The following RCAN2 variants were observed in gnomAD, a reference collection of about 807,000 sequenced individuals.
RCAN2 encodes the protein regulator of calcineurin 2, also known as calcipressin-2.
Under a neutral mutation model 23.6 loss-of-function variants are expected in RCAN2, and 9 were observed. The observed-to-expected ratio is 0.38, with a 90% CI of 0.23 to 0.67. The LOEUF is 0.67. Ranked by LOEUF, RCAN2 falls within the 30% of genes least tolerant of loss-of-function variation. The pLI is 0.51. For synonymous variants in RCAN2, 109 were observed against 115.7 expected, an observed-to-expected ratio of 0.94 and a Z score of 0.37; for missense variants, 273 against 302.3, an observed-to-expected ratio of 0.90 and a Z score of 0.72.
At chr6:46,335,910 T>C (rs1376666162) in intron 2 of RCAN2, among the ~76,000 whole-genome samples, 1 of 152,240 alleles carries the variant, frequency 6.6e-6, no homozygotes, top group East Asian at 1.9e-4. Flanking sequence ...TAAACATTCA[T>C]AGGAGTTAAT....
At chr6:46,472,542 A>C (rs879642031) in intron 1 of RCAN2, among the ~76,000 whole-genome samples, 6 of 152,180 alleles carry the variant, frequency 3.9e-5, no homozygotes, top group African/African-American at 7.2e-5. Context: ...GACAGTGAAG[A>C]TGTTTAACTC....
intron 2 of RCAN2, among the ~76,000 whole-genome samples, chr6:46,306,374 C>T (rs142074028): frequency 1.3e-5 from 2 of 152,150 alleles, no homozygotes; most frequent in African/African-American, 2.4e-5. Flanking sequence ...TCCTGTAACA[C>T]CTCAAAGTTC....
At chr6:46,393,626 G>A (rs1225810862) in intron 2 of RCAN2, among the ~76,000 whole-genome samples, 3 of 152,158 alleles carry the variant, frequency 2.0e-5, no homozygotes, top group Admixed American at 6.5e-5. Context: ...AAATAAACAA[G>A]AGTCACAACT....
intron 2 of RCAN2, among the ~76,000 whole-genome samples, chr6:46,411,300 T>G (rs1415749329): frequency 1.3e-5 from 2 of 152,138 alleles, no homozygotes; most frequent in African/African-American, 4.8e-5. Context: ...AATTCAGAGA[T>G]AGAAAACAGA....
At chr6:46,267,095 T>A (rs529631482) in intron 2 of RCAN2, among the ~76,000 whole-genome samples, 1 of 152,354 alleles carries the variant, frequency 6.6e-6, no homozygotes, top group South Asian at 2.1e-4. Flanking sequence ...TTTTTTAATT[T>A]CATAAAACCA....
At chr6:46,332,316 T>A (rs1389817431) in intron 2 of RCAN2, among the ~76,000 whole-genome samples, 1 of 152,212 alleles carries the variant, frequency 6.6e-6, no homozygotes, top group East Asian at 1.9e-4. Context: ...TAATCTGATT[T>A]TTTTTATTAT....
chr6:46,412,313 T>C (rs1582181102), intron 2 of RCAN2, among the ~76,000 whole-genome samples: 1 of 152,170 alleles, frequency 6.6e-6, no homozygotes, highest in Non-Finnish European at 1.5e-5. Flanking sequence ...TGTTTTGTCC[T>C]TATTAAGTTT....
At chr6:46,376,976 C>T (rs1309018639) in intron 2 of RCAN2, among the ~76,000 whole-genome samples, 2 of 151,478 alleles carry the variant, frequency 1.3e-5, no homozygotes, top group Non-Finnish European at 2.9e-5. Context: ...GCTGTTTATA[C>T]TGGCCAAAAA....
chr6:46,445,558 C>G (rs961903479), intron 2 of RCAN2, among the ~76,000 whole-genome samples: 1 of 152,126 alleles, frequency 6.6e-6, no homozygotes, highest in African/African-American at 2.4e-5. Context: ...GTGACAGCAT[C>G]AAAGGAATAA....
intron 2 of RCAN2, among the ~76,000 whole-genome samples, chr6:46,282,091 T>C (rs1762200880): frequency 6.6e-6 from 1 of 152,224 alleles, no homozygotes; most frequent in African/African-American, 2.4e-5. Flanking sequence ...CCAATTAAAA[T>C]GTTTTAATTG....
At chr6:46,314,401 A>G (rs942916328) in intron 2 of RCAN2, among the ~76,000 whole-genome samples, 5 of 151,708 alleles carry the variant, frequency 3.3e-5, no homozygotes, top group Non-Finnish European at 7.4e-5. Flanking sequence ...AAACCACAAA[A>G]AAGATGTTTA....
In RCAN2 at chr6:46,227,916, C is replaced by G. The variant is rs530479954; in HGVS notation, c.572-4615G>C. Among the ~76,000 whole-genome samples the G allele has an allele frequency of 2.4e-4, 36 of 152,260 alleles. 1 individual carries two copies. The South Asian group carries it at 3.3e-3, about 14-fold the overall frequency. ...TGCTTTCTCTTGTGGGCATTTAGTG[C>G]TATAAATTTCCCTCTACACACTGCT... On this transcript the variant is annotated intron_variant, in intron 4 of 4. Coordinates refer to ENST00000371374, the MANE Select transcript of RCAN2 (RefSeq NM_001251974.2).
chr6:46,416,032 C>A (rs1034604662), intron 2 of RCAN2, among the ~76,000 whole-genome samples: 1 of 151,888 alleles, frequency 6.6e-6, no homozygotes, highest in Non-Finnish European at 1.5e-5. Context: ...AGGTAATAAC[C>A]GACAAGAAAA....
At chr6:46,251,248 G>C (rs974010530) in intron 2 of RCAN2, among the ~76,000 whole-genome samples, 2 of 152,154 alleles carry the variant, frequency 1.3e-5, no homozygotes, top group African/African-American at 4.8e-5. Flanking sequence ...ACTCCAAGTA[G>C]TCTCATTACG....
At chr6:46,454,994 T>A (rs1767977712) in intron 2 of RCAN2, among the ~76,000 whole-genome samples, 1 of 152,216 alleles carries the variant, frequency 6.6e-6, no homozygotes, top group African/African-American at 2.4e-5. Flanking sequence ...CAGGAAAGAA[T>A]GAAAACCCTC....
intron 1 of RCAN2, among the ~76,000 whole-genome samples, chr6:46,465,563 G>A (rs528475408): frequency 3.3e-5 from 5 of 152,328 alleles, no homozygotes; most frequent in African/African-American, 1.2e-4. Flanking sequence ...ACGGCTGTGT[G>A]GAGATGGCCC....
In RCAN2 at chr6:46,317,599, G is replaced by C. The variant is rs537676538; in HGVS notation, c.226-68703C>G. On this transcript the variant is annotated intron_variant, in intron 2 of 4. Transcript: ENST00000371374. ...GCCTCATCCTCCCAAGTAGGTGGGA[G>C]TACAGGCGCCTGTCACCATGCCCGG... 2.2e-4 allele frequency among the ~76,000 whole-genome samples: 34 copies of C among 152,114 alleles called. 1 individual carries two copies. Among genetic ancestry groups the C allele is most frequent in the African/African-American group, 8.2e-4 (34 of 41,498 alleles).
chr6:46,448,850 T>C (rs1188492351), intron 2 of RCAN2, among the ~76,000 whole-genome samples: 1 of 151,784 alleles, frequency 6.6e-6, no homozygotes, highest in South Asian at 2.1e-4. Flanking sequence ...AGGCCATATA[T>C]AACAAACTCA....
At chr6:46,436,403 C>T (rs1355469444) in intron 2 of RCAN2, among the ~76,000 whole-genome samples, 5 of 152,156 alleles carry the variant, frequency 3.3e-5, no homozygotes, top group South Asian at 2.1e-4. Context: ...TTAGTAGAGA[C>T]GGGGTTTCTC....
Sources: gnomAD v4.1 joint callset for allele counts (sites outside exome capture counted in the v4.1 genomes callset) on GRCh38, gnomAD v4.1.1 for gene constraint, MANE v1.5 for transcripts, NCBI Gene and HGNC (gene_info 2026-07-23, HGNC 2026-07-21) for gene names.